The following RELB variants were observed in gnomAD, a reference collection of about 807,000 sequenced individuals.
RELB encodes the protein transcription factor RelB.
A neutral mutation model predicts 55.4 loss-of-function variants in RELB; 14 were observed. The observed-to-expected ratio is 0.25, with a 90% CI of 0.17 to 0.40. RELB has a LOEUF of 0.40. Ranked by LOEUF, RELB falls within the 10% of genes least tolerant of loss-of-function variation. The pLI, the probability that RELB is intolerant of heterozygous loss-of-function variation, is 1.00. For missense variants in RELB, 669 were observed against 830.7 expected, an observed-to-expected ratio of 0.81 and a Z score of 2.39; for synonymous variants, 409 against 371.3, an observed-to-expected ratio of 1.10 and a Z score of -1.17.
chr19:45,012,885 C>T (rs1361196626), intron 4 of RELB, among the ~76,000 whole-genome samples: 5 of 151,774 alleles, frequency 3.3e-5, no homozygotes, highest in Non-Finnish European at 7.4e-5. Flanking sequence ...CCCATCTCTA[C>T]AAAAAATACA....
At chr19:45,021,699 C>G (rs899144011) in intron 4 of RELB, 1 of 166,914 alleles carries the variant, frequency 6.0e-6, no homozygotes, top group Non-Finnish European at 1.3e-5. Context: ...CTCAGCCTCC[C>G]GAGCAGGTGG....
At chr19:45,002,905 G>A (rs1247299172) in intron 1 of RELB, 44 bp from the exon 2 acceptor site, 1 of 1,566,166 alleles carries the variant, frequency 6.4e-7, no homozygotes, top group Non-Finnish European at 8.8e-7. Flanking sequence ...CTGGTCCTCT[G>A]GCTGCCCCCC....
intron 4 of RELB, among the ~76,000 whole-genome samples, chr19:45,012,713 G>C (rs1568398763): frequency 6.6e-6 from 1 of 150,544 alleles, no homozygotes; most frequent in Non-Finnish European, 1.5e-5. Context: ...TAGCAGTCTG[G>C]GTAACAGAGT....
In RELB at chr19:45,022,074, C is replaced by T. The variant is rs1207285652; in HGVS notation, c.526C>T (p.Arg176Trp). ...GCAGCTCCGGGATTGTGGAGGGCTG[C>T]GGGAGGTGGAGGTGACTGCCTGCCT... ...AIELRDCGGLREVEVTACLVW... is the reference protein window; with the variant it reads ...AIELRDCGGLWEVEVTACLVW... The change falls in exon 5 of 12, where the codon CGG becomes TGG. Residue 176 changes from arginine (R) to tryptophan (W), a missense_variant. Around this residue, in one of 3 missense-constraint regions of RELB, gnomAD observed 323 missense variants for 368.5 expected, o/e 0.88. Coordinates refer to ENST00000221452, the MANE Select transcript of RELB (RefSeq NM_006509.4). 8 of 1,611,804 alleles carry T rather than the reference C, an allele frequency of 5.0e-6. No individual in the cohort carries two copies. The highest frequency in any genetic ancestry group is 6.8e-6 in the Non-Finnish European group (8 of 1,178,948).
intron 4 of RELB, among the ~76,000 whole-genome samples, chr19:45,019,659 C>T (rs1600072457): frequency 6.6e-6 from 1 of 152,030 alleles, no homozygotes; most frequent in Admixed American, 6.6e-5. Flanking sequence ...CTCTCCTTCT[C>T]TCTTTATTTA....
At chr19:45,020,284 C>G (rs150564522) in intron 4 of RELB, among the ~76,000 whole-genome samples, 1 of 150,804 alleles carries the variant, frequency 6.6e-6, no homozygotes, top group Admixed American at 6.6e-5. Flanking sequence ...AGTGCAGTGA[C>G]GCAATCTGGG....
At chr19:45,016,775 T>G (rs1268409680) in intron 4 of RELB, among the ~76,000 whole-genome samples, 2 of 152,162 alleles carry the variant, frequency 1.3e-5, no homozygotes, top group Non-Finnish European at 2.9e-5. Context: ...AAGTATTGCT[T>G]GAGTCTGGGA....
At chr19:45,022,674 A>C (rs1156750555) in intron 5 of RELB, among the ~76,000 whole-genome samples, 1 of 151,234 alleles carries the variant, frequency 6.6e-6, no homozygotes, top group Non-Finnish European at 1.5e-5. Context: ...CAGACTCCCG[A>C]GTAGCTGAGA....
chr19:45,012,291 CG>C lies in RELB; in HGVS notation c.504+17del. On this transcript the variant is annotated intron_variant, in intron 4 of 11. Transcript: ENST00000221452. The stretch of plus-strand genomic sequence containing the variant: ...CCGCCATCGAGGTGGGCCCGGCGAG[CG>C]GCCCCGGGCGGGTGGGACTGGGGCT... The C allele has an allele frequency of 2.2e-6, 3 of 1,368,868 alleles. No individual in the cohort carries two copies. Among genetic ancestry groups the C allele is most frequent in the Non-Finnish European group, 2.8e-6 (3 of 1,065,914 alleles). 84.8% of individuals were successfully genotyped at this position (1,368,868 alleles called of 1,614,324 possible). A position where few individuals can be genotyped will look rare whatever the true frequency, so the allele number is the denominator to read the frequency against.
chr19:45,023,612 G>GT (rs1160599759), intron 5 of RELB, among the ~76,000 whole-genome samples: 1 of 150,280 alleles, frequency 6.7e-6, no homozygotes, highest in East Asian at 2.0e-4. Flanking sequence ...TATTTTTTTT[G>GT]TATTTTTAGT....
At chr19:45,022,547 C>T (rs1773666859) in intron 5 of RELB, among the ~76,000 whole-genome samples, 1 of 125,808 alleles carries the variant, frequency 7.9e-6, no homozygotes. Flanking sequence ...TACAATTCAT[C>T]TTTTTTTTTT....
At chr19:45,030,324 T>C (rs990765782) in intron 8 of RELB, among the ~76,000 whole-genome samples, 1 of 152,096 alleles carries the variant, frequency 6.6e-6, no homozygotes, top group Non-Finnish European at 1.5e-5. Context: ...AAAAGTTCTT[T>C]TTAATTAAAA....
chr19:45,035,102 A>T (rs1971671982), intron 11 of RELB, among the ~76,000 whole-genome samples: 2 of 151,778 alleles, frequency 1.3e-5, no homozygotes, highest in South Asian at 4.2e-4. Context: ...TCAGCCTCCC[A>T]AAGTGCTGGG....
At chr19:45,001,958 A>G (rs1206004581) in intron 1 of RELB, among the ~76,000 whole-genome samples, 1 of 149,196 alleles carries the variant, frequency 6.7e-6, no homozygotes, top group African/African-American at 2.5e-5. Flanking sequence ...CCTGACTCAG[A>G]GAAGGCGGAG....
At chr19:45,012,820 G>A (rs1293386549) in intron 4 of RELB, among the ~76,000 whole-genome samples, 2 of 151,852 alleles carry the variant, frequency 1.3e-5, no homozygotes, top group African/African-American at 2.4e-5. Context: ...AGGTCGAGGC[G>A]AGCGGATCAC....
In RELB at chr19:45,001,679, G is replaced by A. The variant is rs1167760560; in HGVS notation, c.100G>A (p.Ala34Thr). The A allele has an allele frequency of 2.6e-6, 4 of 1,520,610 alleles. No individual in the cohort carries two copies. The highest frequency in any genetic ancestry group is 1.4e-5 in the African/African-American group (1 of 71,786). 94.2% of individuals were successfully genotyped at this position (1,520,610 alleles called of 1,614,324 possible). A position where few individuals can be genotyped will look rare whatever the true frequency, so the allele number is the denominator to read the frequency against. The change falls in exon 1 of 12, where the codon GCC becomes ACC. Residue 34 changes from alanine (A) to threonine (T), a missense_variant. By Grantham distance (58) the Ala-to-Thr change is moderately conservative. Around this residue, in one of 3 missense-constraint regions of RELB, gnomAD observed 323 missense variants for 368.5 expected, o/e 0.88. Coordinates refer to ENST00000221452, the MANE Select transcript of RELB (RefSeq NM_006509.4). ...ARPPAAPELG[A>T]LGSPDLSSLS... ...ACCGCCGGCTGCGCCGGAGCTGGGG[G>A]CCTTAGGTAAGCGGGGCTGGGGTTC... is the stretch of plus-strand genomic sequence containing the variant.
In RELB at chr19:45,011,795, TGTGAGAGAGAGAGAGA is replaced by T. The variant is rs1385467174; in HGVS notation, c.164-139_164-124del. On this transcript the variant is annotated intron_variant, in intron 3 of 11. Transcript: ENST00000221452. ...GTGTGTGTGTGTGTGTGTGTGTGTG[TGTGAGAGAGAGAGAGA>T]GAGAGAGAGAGAGAGAGAGAGAGAT... The T allele has an allele frequency of 2.7e-3, 531 of 199,828 alleles. 1 individual carries two copies. Among genetic ancestry groups the T allele is most frequent in the African/African-American group, 0.025 (390 of 15,376 alleles). The allele number at this position is 199,828 out of a possible 1,614,324, so 12.4% of individuals were successfully genotyped here.
intron 3 of RELB, among the ~76,000 whole-genome samples, chr19:45,010,940 C>T (rs1417283487): frequency 6.6e-6 from 1 of 152,178 alleles, no homozygotes; most frequent in Non-Finnish European, 1.5e-5. Context: ...ACTGCAACCT[C>T]CACCTCCCAG....
In RELB at chr19:45,037,664, G is replaced by A. The variant is rs1357325692; in HGVS notation, c.1614G>A (p.Ser538=). The change falls in exon 12 of 12, where the codon TCG becomes TCA. Residue 538 remains serine (S), a synonymous_variant. Transcript: ENST00000221452. ...GCCCTGAACCACTGACACTGGACTCGTACCAGGCCCCGGGCCCCGGGGATG... is the reference window on the plus strand; with the variant it reads ...GCCCTGAACCACTGACACTGGACTCATACCAGGCCCCGGGCCCCGGGGATG... The part of the protein sequence containing the change: ...TPGPEPLTLD[S]YQAPGPGDGG... 1 of 1,580,236 alleles carries A rather than the reference G, an allele frequency of 6.3e-7. No homozygotes were observed. The highest frequency in any genetic ancestry group is 2.4e-5 in the East Asian group (1 of 41,458).
Sources: allele counts gnomAD v4.1 joint callset (sites outside exome capture counted in the v4.1 genomes callset), GRCh38; gene constraint gnomAD v4.1.1; regional missense constraint gnomAD v4.1.1; transcripts MANE v1.5; gene names NCBI Gene and HGNC (gene_info 2026-07-23, HGNC 2026-07-21).